The following HPSE2 variants were observed in gnomAD, a reference collection of about 807,000 sequenced individuals.
The protein encoded by HPSE2 is inactive heparanase-2.
In HPSE2, 38 loss-of-function variants were observed where a neutral mutation model predicts 60.5. The ratio of observed to expected loss-of-function variants is 0.63; its 90% CI spans 0.48 to 0.82. HPSE2 has a LOEUF of 0.82. Among genes scored for constraint, HPSE2 ranks in the 40% least tolerant of loss-of-function variants. The pLI, the probability that HPSE2 is intolerant of heterozygous loss-of-function variation, is 0.00. For missense variants in HPSE2, 713 were observed against 740.4 expected, an observed-to-expected ratio of 0.96 and a Z score of 0.43; for synonymous variants, 295 against 293.2, an observed-to-expected ratio of 1.01 and a Z score of -0.06.
At chr10:98,992,811 T>C (rs1956555410) in intron 3 of HPSE2, among the ~76,000 whole-genome samples, 1 of 152,208 alleles carries the variant, frequency 6.6e-6, no homozygotes, top group Non-Finnish European at 1.5e-5. Flanking sequence ...CATACTGTAC[T>C]GGCCAGAAGC....
intron 2 of HPSE2, among the ~76,000 whole-genome samples, chr10:99,153,237 G>C (rs1846361231): frequency 6.6e-6 from 1 of 152,286 alleles, no homozygotes; most frequent in East Asian, 1.9e-4. Context: ...GCTCGAACTG[G>C]GTGGAGCCCA....
chr10:99,292,822 T>C, the HPSE2 span, among the ~76,000 whole-genome samples: 1 of 152,198 alleles, frequency 6.6e-6, no homozygotes, highest in Non-Finnish European at 1.5e-5. Context: ...TTTCCAGTGC[T>C]CACAAACCAC....
intron 9 of HPSE2, among the ~76,000 whole-genome samples, chr10:98,555,184 T>C (rs1246717711): frequency 6.6e-6 from 1 of 152,192 alleles, no homozygotes; most frequent in East Asian, 1.9e-4. Context: ...TTATGCCCCC[T>C]CTTGAGCCAT....
chr10:99,307,832 GCACACACA>G, the HPSE2 span, among the ~76,000 whole-genome samples: 1 of 134,422 alleles, frequency 7.4e-6, no homozygotes, highest in Non-Finnish European at 1.6e-5. Context: ...TAGTAAATGC[GCACACACA>G]CACACACACA....
chr10:98,830,304 TGAA>T (rs1951654899), intron 3 of HPSE2, among the ~76,000 whole-genome samples: 2 of 151,872 alleles, frequency 1.3e-5, no homozygotes, highest in Admixed American at 1.3e-4. Flanking sequence ...ATAAATGTGA[TGAA>T]GAAGAGGGGT....
chr10:99,063,557 T>A (rs1205276567), intron 3 of HPSE2, among the ~76,000 whole-genome samples: 7 of 152,198 alleles, frequency 4.6e-5, no homozygotes, highest in African/African-American at 1.7e-4. Flanking sequence ...AATTTCCCTG[T>A]ACTGTTTAAA....
At chr10:98,542,105 G>A (rs1341338473) in intron 9 of HPSE2, among the ~76,000 whole-genome samples, 3 of 151,928 alleles carry the variant, frequency 2.0e-5, no homozygotes, top group East Asian at 1.9e-4. Context: ...CACCTCAAAC[G>A]GCCAGGTACT....
At chr10:98,887,458 G>A (rs1338681787) in intron 3 of HPSE2, among the ~76,000 whole-genome samples, 2 of 152,218 alleles carry the variant, frequency 1.3e-5, no homozygotes, top group Non-Finnish European at 2.9e-5. Flanking sequence ...TGTGGACAAC[G>A]CAGGATCAGT....
At chr10:98,679,182 A>T (rs930930213) in intron 6 of HPSE2, among the ~76,000 whole-genome samples, 11 of 152,210 alleles carry the variant, frequency 7.2e-5, no homozygotes, top group African/African-American at 2.4e-4. Context: ...GAGGGGATGC[A>T]TGGAGTGAAA....
At chr10:99,009,422 A>C (rs543408698) in intron 3 of HPSE2, among the ~76,000 whole-genome samples, 3 of 152,152 alleles carry the variant, frequency 2.0e-5, no homozygotes, top group Admixed American at 2.0e-4. Flanking sequence ...CCAGTCTCAA[A>C]AAACAAACAA....
chr10:98,802,270 A>C (rs1188502795), intron 3 of HPSE2, among the ~76,000 whole-genome samples: 1 of 148,604 alleles, frequency 6.7e-6, no homozygotes, highest in African/African-American at 2.5e-5. Flanking sequence ...GGACTAGGCA[A>C]AATTTCTTTT....
rs1564910949 is a variant in HPSE2 at position 99,232,229 on chromosome 10, ACAC to A, written c.448+116_448+118del. 1.2e-5 allele frequency: 14 copies of A among 1,199,064 alleles called. No homozygotes were observed. In the African/African-American group the frequency reaches 2.1e-4, roughly 18 times the overall value. 74.3% of individuals were successfully genotyped at this position (1,199,064 alleles called of 1,614,324 possible). On this transcript the variant is annotated intron_variant, in intron 2 of 11. Transcript: ENST00000370552. The stretch of plus-strand genomic sequence containing the variant: ...CGCGCGCGCATACACACACACACAC[ACAC>A]ACACACACACACACACACACACACG...
intron 3 of HPSE2, among the ~76,000 whole-genome samples, chr10:99,035,962 A>G (rs1287091738): frequency 2.0e-5 from 3 of 152,228 alleles, no homozygotes; most frequent in Non-Finnish European, 4.4e-5. Flanking sequence ...CTGTAATCCC[A>G]GCACATTGGA....
At chr10:98,566,522 C>T (rs1337028285) in intron 9 of HPSE2, among the ~76,000 whole-genome samples, 3 of 152,276 alleles carry the variant, frequency 2.0e-5, no homozygotes, top group Middle Eastern at 3.4e-3. Flanking sequence ...TAGAAGGCCA[C>T]GCTAAAGACC....
chr10:99,144,175 T>TA, intron 3 of HPSE2, 63 bp downstream of exon 3: 1 of 1,495,070 alleles, frequency 6.7e-7, no homozygotes, highest in Non-Finnish European at 9.3e-7. Context: ...GACAGATGTG[T>TA]ACCCCAAAAA....
At chr10:99,132,193 G>GAAAGAAAGAAAGAAAGAAAGAC (rs1462262867) in intron 3 of HPSE2, among the ~76,000 whole-genome samples, 5 of 13,426 alleles carry the variant, frequency 3.7e-4, no homozygotes, top group African/African-American at 6.3e-4. Flanking sequence ...AAGAAAGAAA[G>GAAAGAAAGAAAGAAAGAAAGAC]AGAGAGAGAG....
At chr10:99,171,426 T>A (rs746216021) in intron 2 of HPSE2, among the ~76,000 whole-genome samples, 3 of 151,968 alleles carry the variant, frequency 2.0e-5, no homozygotes, top group Non-Finnish European at 4.4e-5. Context: ...AGACAGAATT[T>A]AGATGTGGGA....
intron 6 of HPSE2, 57 bp from the exon 7 acceptor site, chr10:98,641,997 C>T: frequency 2.1e-6 from 3 of 1,408,846 alleles, no homozygotes; most frequent in East Asian, 2.3e-5. Flanking sequence ...ATTATAAATA[C>T]ACTTCTCTAG....
chr10:98,738,483 A>G (rs1268422011), intron 4 of HPSE2, among the ~76,000 whole-genome samples: 2 of 152,234 alleles, frequency 1.3e-5, no homozygotes, highest in Admixed American at 6.5e-5. Flanking sequence ...AATGGGATCT[A>G]ATTAAACTAA....
Sources: gnomAD v4.1 joint callset for allele counts (sites outside exome capture counted in the v4.1 genomes callset) on GRCh38, gnomAD v4.1.1 for gene constraint, MANE v1.5 for transcripts, NCBI Gene and HGNC (gene_info 2026-07-23, HGNC 2026-07-21) for gene names.